KLHL29: variants seen among roughly 807,000 people sequenced by gnomAD.
KLHL29 encodes the protein kelch-like protein 29.
In KLHL29, 21 loss-of-function variants were observed where a neutral mutation model predicts 80.4. The observed-to-expected ratio is 0.26, with a 90% CI of 0.19 to 0.38. The LOEUF (loss-of-function observed/expected upper bound fraction) is 0.38, where lower values mean the gene tolerates loss of function less well. Ranked by LOEUF, KLHL29 falls within the 10% of genes least tolerant of loss-of-function variation. The pLI is 1.00. For synonymous variants in KLHL29, 511 were observed against 526.8 expected, an observed-to-expected ratio of 0.97 and a Z score of 0.41; for missense variants, 867 against 1,223.9, an observed-to-expected ratio of 0.71 and a Z score of 4.35.
chr2:23,567,981 G>A lies in KLHL29; in HGVS notation c.285+5500G>A, dbSNP rs1043580600. Among the ~76,000 whole-genome samples the A allele has an allele frequency of 2.6e-5, 4 of 152,272 alleles. No homozygotes were observed. In the East Asian group the frequency reaches 5.8e-4, roughly 22 times the overall value. ...ATGGGTTTTGCCTGTACCTTAAGTC[G>A]CAATTACAGTTTGATTGTGTATTCA... On this transcript the variant is annotated intron_variant, in intron 3 of 13. Coordinates refer to ENST00000486442, the MANE Select transcript of KLHL29 (RefSeq NM_052920.2).
chr2:23,487,257 G>C (rs561024081), intron 2 of KLHL29, among the ~76,000 whole-genome samples: 2 of 152,274 alleles, frequency 1.3e-5, no homozygotes, highest in African/African-American at 4.8e-5. Flanking sequence ...AGAGCAGAGC[G>C]TCTCCTTGCT....
chr2:23,648,819 G>C lies in KLHL29; in HGVS notation c.940+5969G>C, dbSNP rs1670009043. ...GTGGCTTGCAGCATGGATGGTGGTTGAGAGCCCAGATTCTGCAGCAGACTG... is the reference window on the plus strand; with the variant it reads ...GTGGCTTGCAGCATGGATGGTGGTTCAGAGCCCAGATTCTGCAGCAGACTG... On this transcript the variant is annotated intron_variant, in intron 5 of 13. Coordinates refer to ENST00000486442, the MANE Select transcript of KLHL29 (RefSeq NM_052920.2). 3.3e-5 allele frequency among the ~76,000 whole-genome samples: 5 copies of C among 152,352 alleles called. 1 individual carries two copies. In the East Asian group the frequency reaches 7.7e-4, roughly 24 times the overall value.
chr2:23,422,426 CTGTG>C (rs1662845027), intron 1 of KLHL29, among the ~76,000 whole-genome samples: 2 of 149,438 alleles, frequency 1.3e-5, no homozygotes, highest in South Asian at 4.3e-4. Context: ...GTGTGTGTGC[CTGTG>C]TGTGTTGTAT....
chr2:23,393,479 G>A (rs959262733), intron 1 of KLHL29, among the ~76,000 whole-genome samples: 1 of 152,124 alleles, frequency 6.6e-6, no homozygotes, highest in African/African-American at 2.4e-5. Flanking sequence ...TCTCTCAGGG[G>A]CTTTCCTTGT....
chr2:23,479,466 C>T (rs1250096151), intron 2 of KLHL29, among the ~76,000 whole-genome samples: 1 of 152,078 alleles, frequency 6.6e-6, no homozygotes, highest in Non-Finnish European at 1.5e-5. Context: ...GAGCTGCCGT[C>T]CTCCAGCTCC....
At chr2:23,653,045 G>C (rs757062696) in intron 5 of KLHL29, among the ~76,000 whole-genome samples, 1 of 152,124 alleles carries the variant, frequency 6.6e-6, no homozygotes, top group Non-Finnish European at 1.5e-5. Flanking sequence ...AGCCGTGCAC[G>C]CTGAAGCAAC....
At chr2:23,487,874 A>C (rs1366310327) in intron 2 of KLHL29, among the ~76,000 whole-genome samples, 1 of 152,172 alleles carries the variant, frequency 6.6e-6, no homozygotes, top group Non-Finnish European at 1.5e-5. Context: ...ACACATCTGG[A>C]ATGTTGCACA....
At chr2:23,484,891 G>A (rs1664887784) in intron 2 of KLHL29, among the ~76,000 whole-genome samples, 2 of 152,070 alleles carry the variant, frequency 1.3e-5, no homozygotes, top group African/African-American at 4.8e-5. Context: ...TGGGGCACTT[G>A]GTCCCGCTGA....
chr2:23,405,445 A>G (rs1666700443), intron 1 of KLHL29, among the ~76,000 whole-genome samples: 1 of 152,248 alleles, frequency 6.6e-6, no homozygotes, highest in African/African-American at 2.4e-5. Flanking sequence ...ATCCCTGAAT[A>G]GAGGGCAGTT....
chr2:23,527,452 T>G (rs559249533), intron 2 of KLHL29, among the ~76,000 whole-genome samples: 3 of 152,254 alleles, frequency 2.0e-5, no homozygotes, highest in South Asian at 4.1e-4. Flanking sequence ...GCTCAGAGAC[T>G]GTGGAGCCCA....
At chr2:23,564,526 G>A (rs1454351583) in intron 3 of KLHL29, among the ~76,000 whole-genome samples, 1 of 152,222 alleles carries the variant, frequency 6.6e-6, no homozygotes, top group Non-Finnish European at 1.5e-5. Flanking sequence ...TGGTCCCTTG[G>A]TGCCCAGGAG....
At chr2:23,507,726 C>T (rs1665644943) in intron 2 of KLHL29, among the ~76,000 whole-genome samples, 1 of 152,086 alleles carries the variant, frequency 6.6e-6, no homozygotes, top group Non-Finnish European at 1.5e-5. Context: ...GGAAATTCAC[C>T]CAAAGCAGCC....
intron 2 of KLHL29, among the ~76,000 whole-genome samples, chr2:23,520,393 T>C (rs1418612880): frequency 1.3e-5 from 2 of 152,220 alleles, no homozygotes; most frequent in African/African-American, 4.8e-5. Flanking sequence ...TTCAGGGCCT[T>C]CTGTGATTCG....
chr2:23,497,810 G>C (rs181837241), intron 2 of KLHL29, among the ~76,000 whole-genome samples: 1 of 152,158 alleles, frequency 6.6e-6, no homozygotes, highest in Non-Finnish European at 1.5e-5. Flanking sequence ...TGTCGAGTGG[G>C]CCTCAGCACT....
In KLHL29 at chr2:23,503,254, C is replaced by T. The variant is rs1163022899; in HGVS notation, c.-46+27587C>T. Among the ~76,000 whole-genome samples, 5 of 152,290 alleles carry T rather than the reference C, an allele frequency of 3.3e-5. No homozygotes were observed. In the East Asian group the frequency reaches 9.7e-4, roughly 29 times the overall value. ...GCTCCGGGCTGGCCTGGGCCTCGCT[C>T]TGCCTCTGTTGTTGCTCTGACCTTT... On this transcript the variant is annotated intron_variant, in intron 2 of 13. Coordinates refer to ENST00000486442, the MANE Select transcript of KLHL29 (RefSeq NM_052920.2). This position sits in a 1 kb window ranked among gnomAD's most constrained non-coding sequence, Gnocchi z 4.0.
intron 2 of KLHL29, among the ~76,000 whole-genome samples, chr2:23,492,089 G>A (rs1175692779): frequency 6.6e-6 from 1 of 152,186 alleles, no homozygotes; most frequent in Non-Finnish European, 1.5e-5. Context: ...GGGAGCTCTA[G>A]GATGCAGATC....
intron 2 of KLHL29, among the ~76,000 whole-genome samples, chr2:23,557,224 A>G (rs1215193952): frequency 6.6e-6 from 1 of 152,148 alleles, no homozygotes; most frequent in Non-Finnish European, 1.5e-5. Flanking sequence ...CTGGGCACAC[A>G]TGTATGCCCA....
At chr2:23,676,688 T>C (rs1670931476) in intron 5 of KLHL29, among the ~76,000 whole-genome samples, 1 of 152,128 alleles carries the variant, frequency 6.6e-6, no homozygotes, top group African/African-American at 2.4e-5. Flanking sequence ...GAAGCAAGTG[T>C]AGGAGAAACC....
At chr2:23,409,116 A>G (rs1453736300) in intron 1 of KLHL29, among the ~76,000 whole-genome samples, 1 of 152,182 alleles carries the variant, frequency 6.6e-6, no homozygotes, top group Non-Finnish European at 1.5e-5. Flanking sequence ...AGCCAGACAA[A>G]CGTGAGTATG....
Sources: gnomAD v4.1 joint callset for allele counts (sites outside exome capture counted in the v4.1 genomes callset) on GRCh38, gnomAD v4.1.1 for gene constraint, Gnocchi (gnomAD v3.1) non-coding constraint, MANE v1.5 for transcripts, NCBI Gene and HGNC (gene_info 2026-07-23, HGNC 2026-07-21) for gene names.